DMD: variants seen among roughly 807,000 people sequenced by gnomAD.
DMD encodes mutant dystrophin.
Under a neutral mutation model 330.1 loss-of-function variants are expected in DMD, and 63 were observed. That is an observed-to-expected ratio of 0.19 (90% CI 0.16 to 0.24). The LOEUF (loss-of-function observed/expected upper bound fraction) is 0.24, where lower values mean the gene tolerates loss of function less well. DMD is among the 10% of genes least tolerant of loss of function. The pLI, the probability that DMD is intolerant of heterozygous loss-of-function variation, is 1.00. For synonymous variants in DMD, 1,223 were observed against 959.8 expected, an observed-to-expected ratio of 1.27 and a Z score of -5.07; for missense variants, 3,344 against 2,684.1, an observed-to-expected ratio of 1.25 and a Z score of -5.43.
intron 1 of DMD, among the ~76,000 whole-genome samples, chrX:33,151,036 G>A (rs1376213211): frequency 1.8e-5 from 2 of 112,309 alleles, no homozygotes; most frequent in African/African-American, 3.2e-5. Flanking sequence ...TTTTCAACAA[G>A]GGCAGTGATA....
chrX:31,547,316 T>C (rs773591803), intron 55 of DMD, among the ~76,000 whole-genome samples: 2 of 112,205 alleles, frequency 1.8e-5, no homozygotes, highest in East Asian at 5.6e-4. Context: ...CACGCTAAGA[T>C]TGGCATGGTG....
intron 45 of DMD, among the ~76,000 whole-genome samples, chrX:31,940,682 C>CTT (rs112016307): frequency 0.095 from 9,469 of 99,521 alleles, 380 homozygotes; most frequent in East Asian, 0.16. Context: ...GAGGTGTGGG[C>CTT]TTTTTTTTTT....
intron 5 of DMD, 55 bp from the exon 6 acceptor site, chrX:32,816,695 G>A (rs1312410518): frequency 2.7e-6 from 3 of 1,122,815 alleles, no homozygotes; most frequent in Non-Finnish European, 3.7e-6. Flanking sequence ...CAAGAACCAT[G>A]CAAACTTAAA....
At chrX:32,592,923 C>T (rs1312299750) in intron 13 of DMD, among the ~76,000 whole-genome samples, 2 of 113,018 alleles carry the variant, frequency 1.8e-5, no homozygotes, top group Non-Finnish European at 3.7e-5. Flanking sequence ...CACAGCCTCA[C>T]ATGGAGCTGC....
intron 43 of DMD, among the ~76,000 whole-genome samples, chrX:32,243,398 T>G (rs150265237): frequency 0.026 from 2,915 of 111,603 alleles, 42 homozygotes; most frequent in Non-Finnish European, 0.039. Flanking sequence ...GCTCAACATC[T>G]TAAGGATAAA....
chrX:31,452,433 A>C (rs923027217), intron 59 of DMD, among the ~76,000 whole-genome samples: 1 of 108,996 alleles, frequency 9.2e-6, no homozygotes, highest in Non-Finnish European at 1.9e-5. Context: ...AAACAGAAAA[A>C]TTAGCCGGGC....
At chrX:31,258,277 G>A (rs1377383856) in intron 63 of DMD, among the ~76,000 whole-genome samples, 1 of 112,579 alleles carries the variant, frequency 8.9e-6, no homozygotes, top group Non-Finnish European at 1.9e-5. Context: ...GCTGTCCTGT[G>A]AAATGTGGAT....
At position 31,634,130 on chromosome X, in the gene DMD, A is replaced by G. The variant is rs142736352; in HGVS notation, c.8028-6268T>C. ...CATATGCAGGGTCGTTGAAACATAC[A>G]AATACCTACACATAAGGGAACACAT... is the stretch of plus-strand genomic sequence containing the variant. On this transcript the variant is annotated intron_variant, in intron 54 of 78. Coordinates refer to ENST00000357033, the MANE Select transcript of DMD (RefSeq NM_004006.3). Among the ~76,000 whole-genome samples the G allele has an allele frequency of 7.5e-3, 848 of 112,686 alleles. 9 individuals carry two copies. Among genetic ancestry groups the G allele is most frequent in the African/African-American group, 0.026 (804 of 31,165 alleles).
At chrX:32,231,162 A>G (rs2097167887) in intron 43 of DMD, among the ~76,000 whole-genome samples, 1 of 112,296 alleles carries the variant, frequency 8.9e-6, no homozygotes, top group African/African-American at 3.2e-5. Context: ...TTCGTTCTCA[A>G]CGAGGGAGGA....
chrX:31,413,002 T>C (rs181931634), intron 60 of DMD, among the ~76,000 whole-genome samples: 1 of 111,883 alleles, frequency 8.9e-6, no homozygotes, highest in East Asian at 2.8e-4. Context: ...TTACTGAACA[T>C]TCTAGATTCT....
chrX:32,278,327 A>G (rs2097398745), intron 43 of DMD, among the ~76,000 whole-genome samples: 1 of 111,582 alleles, frequency 9.0e-6, no homozygotes, highest in South Asian at 3.8e-4. Context: ...AAACTCTCCC[A>G]GTAAAGAAAA....
At chrX:31,748,419 C>T (rs1488349274) in intron 51 of DMD, among the ~76,000 whole-genome samples, 1 of 111,929 alleles carries the variant, frequency 8.9e-6, no homozygotes, top group Non-Finnish European at 1.9e-5. Context: ...AACTAATTAA[C>T]CAGTTTGGCC....
At position 32,389,690 on chromosome X, in the gene DMD, A is replaced by G. The variant is rs771862697; in HGVS notation, c.4345-16T>C. 5.8e-6 allele frequency: 7 copies of G among 1,201,528 alleles called. No homozygotes were observed. Among genetic ancestry groups the G allele is most frequent in the Non-Finnish European group, 7.9e-6 (7 of 888,937 alleles). The stretch of plus-strand genomic sequence containing the variant: ...GTAATTTTTTCTGTAAGGACAGTGT[A>G]AAAAGGCACTGATTTAATTTTGCCT... On this transcript the variant is annotated splice_polypyrimidine_tract_variant and intron_variant, in intron 31 of 78. Transcript: ENST00000357033.
At chrX:33,163,934 A>G (rs908741989) in intron 1 of DMD, among the ~76,000 whole-genome samples, 1 of 111,206 alleles carries the variant, frequency 9.0e-6, no homozygotes, top group Non-Finnish European at 1.9e-5. Flanking sequence ...GTATGTCTTA[A>G]TAACTTTTTT....
At chrX:31,477,818 C>T (rs1176160327) in intron 59 of DMD, among the ~76,000 whole-genome samples, 2 of 111,183 alleles carry the variant, frequency 1.8e-5, no homozygotes, top group Admixed American at 1.9e-4. Flanking sequence ...CACACACACA[C>T]ACACACACAC....
chrX:33,186,432 A>C (rs1446109503), intron 1 of DMD, among the ~76,000 whole-genome samples: 1 of 111,527 alleles, frequency 9.0e-6, no homozygotes, highest in Non-Finnish European at 1.9e-5. Context: ...ATTCAATACC[A>C]TAGGCATAGA....
At chrX:31,245,851 T>A (rs146160850) in intron 63 of DMD, among the ~76,000 whole-genome samples, 1 of 111,311 alleles carries the variant, frequency 9.0e-6, no homozygotes, top group East Asian at 2.8e-4. Context: ...GGCCTTCCTG[T>A]TCTGAGACAC....
intron 39 of DMD, 137 bp downstream of exon 39, chrX:32,345,806 A>T: frequency 1.7e-6 from 1 of 602,623 alleles, no homozygotes; most frequent in Non-Finnish European, 2.5e-6. Flanking sequence ...ATGTTAAATA[A>T]AGCATACACA....
intron 63 of DMD, among the ~76,000 whole-genome samples, chrX:31,251,487 T>C (rs2147484885): frequency 8.9e-6 from 1 of 112,243 alleles, no homozygotes; most frequent in Non-Finnish European, 1.9e-5. Flanking sequence ...CGATGAACGC[T>C]TTGTGGAATA....
Sources: allele counts gnomAD v4.1 joint callset (sites outside exome capture counted in the v4.1 genomes callset), GRCh38; gene constraint gnomAD v4.1.1; transcripts MANE v1.5; gene names NCBI Gene and HGNC (gene_info 2026-07-23, HGNC 2026-07-21).